Variants in LRP4 observed in about 807,000 individuals in gnomAD.
LRP4 encodes the protein low-density lipoprotein receptor-related protein 4.
In LRP4, 95 loss-of-function variants were observed where a neutral mutation model predicts 220.3. The observed-to-expected ratio is 0.43, with a 90% CI of 0.37 to 0.51. LRP4 has a LOEUF of 0.51. Ranked by LOEUF, LRP4 falls within the 20% of genes least tolerant of loss-of-function variation. The pLI is 0.00. For synonymous variants in LRP4, 903 were observed against 954.6 expected (o/e 0.95, Z 1.00); for missense variants, 1,925 against 2,567.0 (o/e 0.75, Z 5.40).
chr11:46,879,609 A>C (rs938406278), intron 20 of LRP4, among the ~76,000 whole-genome samples: 24 of 152,238 alleles, frequency 1.6e-4, no homozygotes, highest in Non-Finnish European at 3.5e-4. Context: ...AAAATTAAAA[A>C]ATAGCAACTT....
chr11:46,900,790 CT>C lies in LRP4; in HGVS notation c.200-413del, dbSNP rs35979071. Among the ~76,000 whole-genome samples the C allele has an allele frequency of 7.7e-3, 1,015 of 132,528 alleles. 9 individuals are homozygous for C. Among genetic ancestry groups the C allele is most frequent in the African/African-American group, 0.02 (721 of 36,380 alleles). The allele number at this position is 132,528 out of a possible 152,430, so 86.9% of individuals were successfully genotyped here. A position where few individuals can be genotyped will look rare whatever the true frequency, so the allele number is the denominator to read the frequency against. On this transcript the variant is annotated intron_variant, in intron 2 of 37. Transcript: ENST00000378623. ...ACAGGCATGAGCCATGGCGCCTGGC[CT>C]TTTTTTTTTTTTTGAAACAGAGTCT...
At chr11:46,879,565 C>T (rs1941101429) in intron 20 of LRP4, among the ~76,000 whole-genome samples, 1 of 152,232 alleles carries the variant, frequency 6.6e-6, no homozygotes, top group African/African-American at 2.4e-5. Flanking sequence ...CACATCATCT[C>T]AAAGTATCTC....
intron 1 of LRP4, among the ~76,000 whole-genome samples, chr11:46,907,190 C>G (rs1253437002): frequency 6.6e-6 from 1 of 152,210 alleles, no homozygotes; most frequent in Admixed American, 6.5e-5. Flanking sequence ...ATGCTCTGGC[C>G]TTGAAAGCTG....
rs550592913 is a variant in LRP4, at chr11:46,876,201, T to C, written c.3537-235A>G. Reference sequence around the variant, plus strand: ...TTTAATAGGTAAGGAAGCTGAGAATTAGAGAGGTTAAATACCGGACCCAAG... The same window carrying C: ...TTTAATAGGTAAGGAAGCTGAGAATCAGAGAGGTTAAATACCGGACCCAAG... On this transcript the variant is annotated intron_variant, in intron 25 of 37. Coordinates refer to ENST00000378623, the MANE Select transcript of LRP4 (RefSeq NM_002334.4). 8.5e-5 allele frequency among the ~76,000 whole-genome samples: 13 copies of C among 152,282 alleles called. No individual in the cohort carries two copies. In the South Asian group the frequency reaches 1.9e-3, roughly 22 times the overall value.
Position 46,871,588 on chromosome 11 carries a change from G to C in LRP4, c.4629C>G (p.Asp1543Glu). The C allele has an allele frequency of 6.2e-7, 1 of 1,613,304 alleles. No homozygotes were observed. Among genetic ancestry groups the C allele is most frequent in the South Asian group, 1.1e-5 (1 of 90,790 alleles). Residue 1543 changes from aspartate to glutamate, a missense_variant, in exon 31 of 38, where the codon GAC becomes GAG. By Grantham distance (45) the Asp-to-Glu change is conservative. Coordinates refer to ENST00000378623, the MANE Select transcript of LRP4 (RefSeq NM_002334.4). ...DAHLDRIESA[D>E]LNGKLRQVLV... ...AGACCTGCCGCAGTTTCCCATTGAG[G>C]TCAGCACTCTCGATCCGGTCCAGAT... is the stretch of plus-strand genomic sequence containing the variant.
rs1324792400 is a variant in LRP4 at position 46,873,570 on chromosome 11, T to C, written c.4253A>G (p.Asn1418Ser). 1 of 1,613,872 alleles carries C rather than the reference T, an allele frequency of 6.2e-7. No individual in the cohort carries two copies. The highest frequency in any genetic ancestry group is 1.7e-5 in the Admixed American group (1 of 60,016). ...CCCTCGCCCGATCACTGTCTCCATGTTGCTGCCGTTCAGGTCTGCTCGCCT... is the reference window on the plus strand; with the variant it reads ...CCCTCGCCCGATCACTGTCTCCATGCTGCTGCCGTTCAGGTCTGCTCGCCT... ...VIRRADLNGS[N>S]METVIGRGLK... Residue 1418 changes from asparagine (N) to serine (S), a missense_variant, in exon 29 of 38, where the codon AAC (asparagine) becomes AGC (serine). Around this residue, in one of 3 missense-constraint regions of LRP4, gnomAD observed 1,244 missense variants for 1,624.9 expected, o/e 0.77. Coordinates refer to ENST00000378623, the MANE Select transcript of LRP4 (RefSeq NM_002334.4). The surrounding 1 kb of genome is among the most constrained non-coding windows in gnomAD (Gnocchi z 4.2).
chr11:46,858,890 A>G lies in LRP4; in HGVS notation c.*93T>C. 8.1e-7 allele frequency: 1 copy of G among 1,234,648 alleles called. No individual in the cohort carries two copies. The highest frequency in any genetic ancestry group is 1.2e-6 in the Non-Finnish European group (1 of 838,772). The allele number at this position is 1,234,648 out of a possible 1,614,324, so 76.5% of individuals were successfully genotyped here. A position where few individuals can be genotyped will look rare whatever the true frequency, so the allele number is the denominator to read the frequency against. On this transcript the variant is annotated 3_prime_UTR_variant, in exon 38 of 38. Coordinates refer to ENST00000378623, the MANE Select transcript of LRP4 (RefSeq NM_002334.4). ...GGGTGGGAGGAGGAGGAGGACAAGC[A>G]CACAGAAGCGGGGCCTGCGGTGTAA...
chr11:46,875,315 G>A lies in LRP4; in HGVS notation c.3925+141C>T. ...ACCAGCCATACCCAGAGAGAACACAGCCCAATCTGGAAGGGAGCTTAAACA... is the reference window on the plus strand; with the variant it reads ...ACCAGCCATACCCAGAGAGAACACAACCCAATCTGGAAGGGAGCTTAAACA... On this transcript the variant is annotated intron_variant, in intron 27 of 37. Transcript: ENST00000378623. The surrounding 1 kb of genome is among the most constrained non-coding windows in gnomAD (Gnocchi z 4.5). 1.1e-6 allele frequency: 1 copy of A among 912,636 alleles called. No homozygotes were observed. Among genetic ancestry groups the A allele is most frequent in the Non-Finnish European group, 1.7e-6 (1 of 579,776 alleles). The allele number at this position is 912,636 out of a possible 1,614,324, so 56.5% of individuals were successfully genotyped here. A position where few individuals can be genotyped will look rare whatever the true frequency, so the allele number is the denominator to read the frequency against.
intron 19 of LRP4, among the ~76,000 whole-genome samples, chr11:46,882,249 G>A (rs1450905288): frequency 6.6e-6 from 1 of 152,130 alleles, no homozygotes; most frequent in Admixed American, 6.5e-5. Context: ...CACTTTGGGA[G>A]GCTGAGAGTA....
rs1349117090 is a variant in LRP4, at chr11:46,903,113, C to A, written c.53-184G>T. On this transcript the variant is annotated intron_variant, in intron 1 of 37. Transcript: ENST00000378623. Reference sequence around the variant, plus strand: ...AGGGCATAAACGACCCAGCAGATACCCTCTGACTTTGGGCTTACAAAGAGT... The same window carrying A: ...AGGGCATAAACGACCCAGCAGATACACTCTGACTTTGGGCTTACAAAGAGT... 5.9e-5 allele frequency among the ~76,000 whole-genome samples: 9 copies of A among 152,244 alleles called. No individual in the cohort carries two copies. In the South Asian group the frequency reaches 8.3e-4, roughly 14 times the overall value.
intron 20 of LRP4, among the ~76,000 whole-genome samples, chr11:46,881,058 CAAAAAAAAAAAAA>C (rs60125188): frequency 1.8e-5 from 1 of 56,106 alleles, no homozygotes; most frequent in Non-Finnish European, 3.0e-5. Flanking sequence ...TCTAAAAAAC[CAAAAAAAAAAAAA>C]AAAAAAAAAA....
At chr11:46,862,498 G>T in intron 37 of LRP4, 108 bp downstream of exon 37, 1 of 1,115,670 alleles carries the variant, frequency 9.0e-7, no homozygotes, top group Non-Finnish European at 1.4e-6. Context: ...TTCCAAAATG[G>T]TAGATGGGAT....
intron 1 of LRP4, among the ~76,000 whole-genome samples, chr11:46,916,049 G>A (rs954210825): frequency 1.3e-5 from 2 of 152,068 alleles, no homozygotes; most frequent in Non-Finnish European, 2.9e-5. Flanking sequence ...TATCAGGCCA[G>A]GTGATGTGTA....
In LRP4 at chr11:46,862,481, C is replaced by G; in HGVS notation, c.5385+125G>C. On this transcript the variant is annotated intron_variant, in intron 37 of 37. Transcript: ENST00000378623. ...AAATTACATTCAGTTCTTCTGTTCA[C>G]TATAACTTCCAAAATGGTAGATGGG... 4.0e-6 allele frequency: 4 copies of G among 1,004,156 alleles called. No homozygotes were observed. In the South Asian group the frequency reaches 5.2e-5, roughly 13 times the overall value. 62.2% of individuals were successfully genotyped at this position (1,004,156 alleles called of 1,614,324 possible).
In LRP4 at chr11:46,873,334, C is replaced by G. The variant is rs1213030088; in HGVS notation, c.4448+41G>C. Reference sequence around the variant, plus strand: ...CACTAACACCATCTTTCCACCCAGCCCTTCTTCCCTGGATCTCTCTTCTGC... The same window carrying G: ...CACTAACACCATCTTTCCACCCAGCGCTTCTTCCCTGGATCTCTCTTCTGC... On this transcript the variant is annotated intron_variant, in intron 29 of 37. Transcript: ENST00000378623. This position sits in a 1 kb window ranked among gnomAD's most constrained non-coding sequence, Gnocchi z 4.2. 2.5e-6 allele frequency: 4 copies of G among 1,612,422 alleles called. No homozygotes were observed. The highest frequency in any genetic ancestry group is 2.5e-6 in the Non-Finnish European group (3 of 1,178,990).
Position 46,873,583 on chromosome 11 carries a change from G to C in LRP4, c.4240C>G (p.Leu1414Val). The C allele has an allele frequency of 6.2e-7, 1 of 1,612,616 alleles. No homozygotes were observed. The highest frequency in any genetic ancestry group is 8.5e-7 in the Non-Finnish European group (1 of 1,178,774). ...ACTGTCTCCATGTTGCTGCCGTTCA[G>C]GTCTGCTCGCCTTGGGGAGAGCCCA... ...VFLDVIRRADLNGSNMETVIG... is the reference protein window; with the variant it reads ...VFLDVIRRADVNGSNMETVIG... The change falls in exon 29 of 38, where the codon CTG (leucine) becomes GTG (valine). Residue 1414 changes from leucine to valine, a missense_variant. Transcript: ENST00000378623. The surrounding 1 kb of genome is among the most constrained non-coding windows in gnomAD (Gnocchi z 4.2).
intron 33 of LRP4, 100 bp from the exon 34 acceptor site, chr11:46,868,214 C>T: frequency 7.0e-7 from 1 of 1,438,164 alleles, no homozygotes; most frequent in Non-Finnish European, 9.7e-7. Flanking sequence ...AATCTTTTAG[C>T]TGCCCTAGTC....
chr11:46,910,616 A>G (rs1941843068), intron 1 of LRP4, among the ~76,000 whole-genome samples: 1 of 149,190 alleles, frequency 6.7e-6, no homozygotes, highest in Non-Finnish European at 1.5e-5. Flanking sequence ...ATAACTGCAG[A>G]GTCTTGCTTT....
At chr11:46,913,155 G>A (rs983431100) in intron 1 of LRP4, among the ~76,000 whole-genome samples, 10 of 152,164 alleles carry the variant, frequency 6.6e-5, no homozygotes, top group Non-Finnish European at 1.3e-4. Flanking sequence ...CAGCCAGTCC[G>A]CTCATCTGTG....
Sources: gnomAD v4.1 joint callset for allele counts (sites outside exome capture counted in the v4.1 genomes callset) on GRCh38, gnomAD v4.1.1 for gene constraint, gnomAD v4.1.1 regional missense constraint, Gnocchi (gnomAD v3.1) non-coding constraint, MANE v1.5 for transcripts, NCBI Gene and HGNC (gene_info 2026-07-23, HGNC 2026-07-21) for gene names.